Variants in WWOX observed in about 807,000 individuals in gnomAD.
WWOX encodes the protein WW domain-containing oxidoreductase.
A neutral mutation model predicts 46.2 loss-of-function variants in WWOX; 69 were observed. That is an observed-to-expected ratio of 1.49 (90% confidence interval 1.23 to 1.82). The LOEUF (loss-of-function observed/expected upper bound fraction) is 1.82. Among genes scored for constraint, WWOX ranks in the 40% most tolerant of loss-of-function variants. The probability of loss-of-function intolerance (pLI) is 0.00; values close to 1 mark genes in which losing one functional copy is unlikely to be tolerated. For synonymous variants in WWOX, 359 were observed against 202.6 expected, an observed-to-expected ratio of 1.77 and a Z score of -6.56; for missense variants, 919 against 542.6, an observed-to-expected ratio of 1.69 and a Z score of -6.89.
At chr16:79,047,385 A>G (rs1567512928) in intron 8 of WWOX, among the ~76,000 whole-genome samples, 1 of 152,188 alleles carries the variant, frequency 6.6e-6, no homozygotes, top group Non-Finnish European at 1.5e-5. Context: ...CCAGAAATAG[A>G]CCAGATGAAG....
At chr16:78,567,850 A>T (rs112128383) in intron 8 of WWOX, among the ~76,000 whole-genome samples, 60 of 152,084 alleles carry the variant, frequency 3.9e-4, no homozygotes, top group Non-Finnish European at 6.9e-4. Flanking sequence ...GGAGTGACAG[A>T]GTGTGTCAAG....
chr16:78,910,318 A>T (rs770060970), intron 8 of WWOX, among the ~76,000 whole-genome samples: 1 of 150,674 alleles, frequency 6.6e-6, no homozygotes. Context: ...TCCATCTTCC[A>T]GCATCTCTGA....
chr16:78,946,055 GAA>G lies in WWOX; in HGVS notation c.1057-265551_1057-265550del, dbSNP rs539839360. ...CACTTCGCAATGAAGCTGTGCTCTA[GAA>G]ACATACCACGATCTACTGGACTTTC... On this transcript the variant is annotated intron_variant, in intron 8 of 8. Transcript: ENST00000566780. Among the ~76,000 whole-genome samples, 741 of 152,274 alleles carry G rather than the reference GAA, an allele frequency of 4.9e-3. 2 individuals carry two copies. Among genetic ancestry groups the G allele is most frequent in the Middle Eastern group, 0.014 (4 of 294 alleles).
At chr16:78,422,880 C>G (rs62034093) in intron 6 of WWOX, among the ~76,000 whole-genome samples, 1 of 130,838 alleles carries the variant, frequency 7.6e-6, no homozygotes, top group Non-Finnish European at 1.6e-5. Context: ...CACACACACA[C>G]ACACATATAT....
chr16:78,325,596 C>G (rs1198664892), intron 5 of WWOX, among the ~76,000 whole-genome samples: 1 of 152,148 alleles, frequency 6.6e-6, no homozygotes, highest in Non-Finnish European at 1.5e-5. Context: ...TTTCAAAAGG[C>G]TAATAGAGAA....
Position 78,249,142 on chromosome 16 carries a change from C to T in WWOX, c.516+84853C>T, listed in dbSNP as rs181752263. On this transcript the variant is annotated intron_variant, in intron 5 of 8. Coordinates refer to ENST00000566780, the MANE Select transcript of WWOX (RefSeq NM_016373.4). Reference sequence around the variant, plus strand: ...TGCTGAGATTACAGGCGTGAGCCACCGTGTCTGGCGTCATGCCCCGTTTTA... The same window carrying T: ...TGCTGAGATTACAGGCGTGAGCCACTGTGTCTGGCGTCATGCCCCGTTTTA... 1.6e-4 allele frequency among the ~76,000 whole-genome samples: 25 copies of T among 152,186 alleles called. 1 individual carries two copies. The East Asian group carries it at 2.9e-3, about 18-fold the overall frequency.
At chr16:79,047,754 C>T (rs771629596) in intron 8 of WWOX, among the ~76,000 whole-genome samples, 4 of 138,672 alleles carry the variant, frequency 2.9e-5, no homozygotes, top group Non-Finnish European at 6.0e-5. Context: ...CACAGGGCAG[C>T]TGTATTCCAG....
rs144299724 is a variant in WWOX, at chr16:78,690,639, A to G, written c.1056+257887A>G. Among the ~76,000 whole-genome samples, 886 of 150,986 alleles carry G rather than the reference A, an allele frequency of 5.9e-3. 13 individuals carry two copies. Among genetic ancestry groups the G allele is most frequent in the African/African-American group, 0.02 (825 of 41,418 alleles). ...AGGGCACACACATGAATATATTCACAGTTGCAAACTCAGAAGGATACTCCC... is the reference window on the plus strand; with the variant it reads ...AGGGCACACACATGAATATATTCACGGTTGCAAACTCAGAAGGATACTCCC... On this transcript the variant is annotated intron_variant, in intron 8 of 8. Coordinates refer to ENST00000566780, the MANE Select transcript of WWOX (RefSeq NM_016373.4).
intron 8 of WWOX, among the ~76,000 whole-genome samples, chr16:79,172,316 G>A (rs974700355): frequency 2.7e-4 from 41 of 152,142 alleles, no homozygotes; most frequent in African/African-American, 8.7e-4. Context: ...AGCTGCTTTC[G>A]TGCAGGAAGC....
At chr16:78,313,359 C>T (rs903788767) in intron 5 of WWOX, among the ~76,000 whole-genome samples, 5 of 152,048 alleles carry the variant, frequency 3.3e-5, no homozygotes, top group African/African-American at 4.8e-5. Flanking sequence ...AGATGTGTTT[C>T]GTTGTTTTTC....
At chr16:79,021,481 T>C (rs569019848) in intron 8 of WWOX, among the ~76,000 whole-genome samples, 7 of 152,264 alleles carry the variant, frequency 4.6e-5, no homozygotes, top group African/African-American at 1.4e-4. Flanking sequence ...TGTCAAAATA[T>C]TAACTCATGG....
chr16:78,992,500 C>A (rs1007783858), intron 8 of WWOX, among the ~76,000 whole-genome samples: 1 of 152,182 alleles, frequency 6.6e-6, no homozygotes, highest in South Asian at 2.1e-4. Flanking sequence ...CAATTTGGCT[C>A]CAGTGAGCTC....
At chr16:78,801,869 C>T (rs1489668181) in intron 8 of WWOX, among the ~76,000 whole-genome samples, 3 of 151,968 alleles carry the variant, frequency 2.0e-5, no homozygotes, top group African/African-American at 2.4e-5. Context: ...TTGTTGAGTC[C>T]GATTGTCCTG....
chr16:78,859,027 A>AAAAATAT (rs1555551610), intron 8 of WWOX, among the ~76,000 whole-genome samples: 4 of 23,682 alleles, frequency 1.7e-4, no homozygotes, highest in African/African-American at 3.6e-4. Context: ...AAAAAAAAAA[A>AAAAATAT]ATATATATAT....
intron 8 of WWOX, among the ~76,000 whole-genome samples, chr16:78,632,566 T>TTTTTTTTTTTTTTTTTTTG (rs2046460319): frequency 7.3e-6 from 1 of 137,000 alleles, no homozygotes; most frequent in Non-Finnish European, 1.6e-5. Context: ...AATTTTTTTT[T>TTTTTTTTTTTTTTTTTTTG]TTTTTTTTTT....
intron 8 of WWOX, among the ~76,000 whole-genome samples, chr16:78,694,200 G>C (rs538152542): frequency 6.6e-6 from 1 of 152,248 alleles, no homozygotes; most frequent in African/African-American, 2.4e-5. Context: ...GCAACAGAGA[G>C]AAACTGTGTC....
At chr16:78,441,378 A>C (rs2083440684) in intron 8 of WWOX, among the ~76,000 whole-genome samples, 1 of 152,194 alleles carries the variant, frequency 6.6e-6, no homozygotes, top group African/African-American at 2.4e-5. Context: ...AGAGTCCTTA[A>C]TGTACTTCTT....
At chr16:79,118,370 T>C (rs2049561061) in intron 8 of WWOX, among the ~76,000 whole-genome samples, 1 of 152,124 alleles carries the variant, frequency 6.6e-6, no homozygotes, top group Non-Finnish European at 1.5e-5. Flanking sequence ...AAAATGACAA[T>C]GGGGACATCA....
chr16:78,482,579 C>T (rs1207762841), intron 8 of WWOX, among the ~76,000 whole-genome samples: 2 of 152,078 alleles, frequency 1.3e-5, no homozygotes, highest in African/African-American at 4.8e-5. Context: ...CTTACTGGGC[C>T]CTGTGCTAAG....
Sources: allele counts gnomAD v4.1 joint callset (sites outside exome capture counted in the v4.1 genomes callset), GRCh38; gene constraint gnomAD v4.1.1; transcripts MANE v1.5; gene names NCBI Gene and HGNC (gene_info 2026-07-23, HGNC 2026-07-21).